USP3: variants seen among roughly 807,000 people sequenced by gnomAD.
USP3 encodes ubiquitin carboxyl-terminal hydrolase 3.
A neutral mutation model predicts 72.3 loss-of-function variants in USP3; 20 were observed. The observed-to-expected ratio is 0.28, with a 90% confidence interval of 0.19 to 0.40. The LOEUF is 0.40. USP3 is among the 10% of genes least tolerant of loss of function. The pLI is 1.00. For missense variants in USP3, 479 were observed against 633.9 expected, an observed-to-expected ratio of 0.76 and a Z score of 2.62; for synonymous variants, 222 against 225.3, an observed-to-expected ratio of 0.99 and a Z score of 0.13.
intron 1 of USP3, among the ~76,000 whole-genome samples, chr15:63,517,003 G>T: frequency 6.9e-6 from 1 of 145,892 alleles, no homozygotes; most frequent in African/African-American, 2.5e-5. Context: ...TTATTTCTTT[G>T]CCTTTTGGTT....
chr15:63,543,582 A>C (rs934319039), intron 3 of USP3, among the ~76,000 whole-genome samples: 1 of 152,196 alleles, frequency 6.6e-6, no homozygotes, highest in African/African-American at 2.4e-5. Context: ...GTTTACTTTG[A>C]GCATTTTGCA....
intron 14 of USP3, among the ~76,000 whole-genome samples, chr15:63,589,709 A>G (rs1261168287): frequency 1.3e-5 from 2 of 152,042 alleles, no homozygotes; most frequent in Non-Finnish European, 2.9e-5. Context: ...GTCTGAAATC[A>G]TTTGTTCTCT....
At chr15:63,512,266 CTCT>C (rs1318789589) in intron 1 of USP3, among the ~76,000 whole-genome samples, 11 of 151,224 alleles carry the variant, frequency 7.3e-5, no homozygotes, top group African/African-American at 1.5e-4. Context: ...CAGATTTCCC[CTCT>C]TCTTCTTCTT....
At chr15:63,568,352 T>G (rs1421656340) in intron 8 of USP3, among the ~76,000 whole-genome samples, 1 of 131,484 alleles carries the variant, frequency 7.6e-6, no homozygotes, top group Non-Finnish European at 1.6e-5. Flanking sequence ...AGACTCCATC[T>G]AAAAAAAAAA....
intron 3 of USP3, among the ~76,000 whole-genome samples, chr15:63,541,744 A>G (rs974539914): frequency 6.6e-6 from 1 of 152,150 alleles, no homozygotes; most frequent in African/African-American, 2.4e-5. Flanking sequence ...TGAAGTCACT[A>G]GAATATCAGC....
At chr15:63,509,086 T>C (rs184266003) in intron 1 of USP3, among the ~76,000 whole-genome samples, 1 of 152,318 alleles carries the variant, frequency 6.6e-6, no homozygotes, top group East Asian at 1.9e-4. Context: ...CAGGTTGTGA[T>C]AAAGAGAAGA....
chr15:63,527,346 T>C (rs2065997346), intron 1 of USP3, among the ~76,000 whole-genome samples: 1 of 152,226 alleles, frequency 6.6e-6, no homozygotes, highest in African/African-American at 2.4e-5. Flanking sequence ...GGTCATCTGA[T>C]CCTCATCTTT....
intron 9 of USP3, among the ~76,000 whole-genome samples, chr15:63,572,873 C>G (rs555143503): frequency 6.6e-6 from 1 of 152,294 alleles, no homozygotes; most frequent in East Asian, 1.9e-4. Context: ...TCAGGCCAGA[C>G]CAGCAGTATG....
chr15:63,588,221 T>A lies in USP3; in HGVS notation c.1097-84T>A. 9.2e-7 allele frequency: 1 copy of A among 1,084,540 alleles called. No homozygotes were observed. Among genetic ancestry groups the A allele is most frequent in the Admixed American group, 2.6e-5 (1 of 38,342 alleles). 67.2% of individuals were successfully genotyped at this position (1,084,540 alleles called of 1,614,324 possible). On this transcript the variant is annotated intron_variant, in intron 11 of 14. Coordinates refer to ENST00000380324, the MANE Select transcript of USP3 (RefSeq NM_006537.4). This position sits in a 1 kb window ranked among gnomAD's most constrained non-coding sequence, Gnocchi z 4.6. ...GGTCGTATAGCTAATAAAGCTGAGA[T>A]TTTAAACCTGGGTCTTTTTTCTACA...
At chr15:63,589,070 T>A (rs2067133185) in intron 14 of USP3, 59 bp downstream of exon 14, 1 of 1,573,968 alleles carries the variant, frequency 6.4e-7, no homozygotes, top group Non-Finnish European at 8.7e-7. Flanking sequence ...CCCAATGACC[T>A]GCAGTTTTGT....
intron 1 of USP3, among the ~76,000 whole-genome samples, chr15:63,530,833 A>G (rs2066063048): frequency 6.6e-6 from 1 of 152,212 alleles, no homozygotes; most frequent in Admixed American, 6.5e-5. Context: ...ACCATAGGGG[A>G]GTACAAATAA....
chr15:63,590,550 C>T, intron 14 of USP3, 111 bp from the exon 15 acceptor site: 1 of 1,062,244 alleles, frequency 9.4e-7, no homozygotes, highest in East Asian at 3.0e-5. Flanking sequence ...CATCTTAAAT[C>T]AAAAGTCTAG....
At chr15:63,540,752 A>G (rs2066233347) in intron 3 of USP3, among the ~76,000 whole-genome samples, 2 of 152,246 alleles carry the variant, frequency 1.3e-5, no homozygotes, top group Admixed American at 1.3e-4. Flanking sequence ...AGCAGTGCGA[A>G]AAGGAATGAT....
intron 3 of USP3, among the ~76,000 whole-genome samples, chr15:63,540,322 A>G (rs572739220): frequency 6.6e-6 from 1 of 152,330 alleles, no homozygotes; most frequent in Admixed American, 6.5e-5. Context: ...CTGAACTCAC[A>G]GCTCTTGGAA....
intron 1 of USP3, among the ~76,000 whole-genome samples, chr15:63,505,796 C>G (rs1050989539): frequency 6.6e-6 from 1 of 152,066 alleles, no homozygotes; most frequent in Non-Finnish European, 1.5e-5. Flanking sequence ...TCACTGGTAT[C>G]TTGGGTTATA....
intron 1 of USP3, among the ~76,000 whole-genome samples, chr15:63,527,626 G>A (rs528725020): frequency 6.6e-6 from 1 of 152,366 alleles, no homozygotes; most frequent in South Asian, 2.1e-4. Context: ...CAGTGGCTAT[G>A]TAGAAATAAC....
At chr15:63,516,641 T>C (rs1226717042) in intron 1 of USP3, among the ~76,000 whole-genome samples, 1 of 152,152 alleles carries the variant, frequency 6.6e-6, no homozygotes, top group African/African-American at 2.4e-5. Context: ...GTTTCTAGGC[T>C]CCCAGAGTTG....
intron 3 of USP3, among the ~76,000 whole-genome samples, chr15:63,550,697 G>A (rs1320059173): frequency 6.6e-6 from 1 of 152,178 alleles, no homozygotes; most frequent in African/African-American, 2.4e-5. Flanking sequence ...AATATTGTTA[G>A]AAGGGACTTT....
At chr15:63,531,187 C>T (rs187495146) in intron 1 of USP3, among the ~76,000 whole-genome samples, 1 of 152,166 alleles carries the variant, frequency 6.6e-6, no homozygotes. Flanking sequence ...CACCTCCTGT[C>T]CCCTCCTCTC....
Sources: gnomAD v4.1 joint callset for allele counts (sites outside exome capture counted in the v4.1 genomes callset) on GRCh38, gnomAD v4.1.1 for gene constraint, Gnocchi (gnomAD v3.1) non-coding constraint, MANE v1.5 for transcripts, NCBI Gene and HGNC (gene_info 2026-07-23, HGNC 2026-07-21) for gene names.